Variants in INPP5A observed in about 807,000 individuals in gnomAD.
INPP5A encodes the protein 43 kDa inositol polyphosphate 5-phophatase.
A neutral mutation model predicts 65.2 loss-of-function variants in INPP5A; 14 were observed. The ratio of observed to expected loss-of-function variants is 0.21; its 90% CI spans 0.14 to 0.34. The LOEUF (loss-of-function observed/expected upper bound fraction) is 0.34, where lower values mean the gene tolerates loss of function less well. Among genes scored for constraint, INPP5A ranks in the 10% least tolerant of loss-of-function variants. The probability of loss-of-function intolerance (pLI) is 1.00; values close to 1 mark genes in which losing one functional copy is unlikely to be tolerated. For synonymous variants in INPP5A, 207 were observed against 208.3 expected (o/e 0.99, Z 0.05); for missense variants, 431 against 545.6 (o/e 0.79, Z 2.09).
chr10:132,693,889 A>C (rs1041366241), intron 5 of INPP5A, among the ~76,000 whole-genome samples: 2 of 152,188 alleles, frequency 1.3e-5, no homozygotes, highest in African/African-American at 4.8e-5. Flanking sequence ...AAGGCAAACC[A>C]AGTAGAGCTG....
chr10:132,583,409 G>C (rs954295050), intron 1 of INPP5A, among the ~76,000 whole-genome samples: 1 of 152,214 alleles, frequency 6.6e-6, no homozygotes, highest in East Asian at 1.9e-4. Context: ...TTCCTGCCTC[G>C]TTGGGCTGGT....
intron 9 of INPP5A, among the ~76,000 whole-genome samples, chr10:132,739,146 G>C (rs1846229664): frequency 1.3e-5 from 2 of 152,350 alleles, no homozygotes; most frequent in Admixed American, 1.3e-4. Context: ...ATTCCATCTG[G>C]GATGGTCATT....
At chr10:132,595,401 A>G (rs998243108) in intron 1 of INPP5A, among the ~76,000 whole-genome samples, 2 of 152,270 alleles carry the variant, frequency 1.3e-5, no homozygotes, top group African/African-American at 4.8e-5. Context: ...TACTTTGATA[A>G]CATATACCTA....
At chr10:132,773,919 C>T (rs1846999901) in intron 12 of INPP5A, among the ~76,000 whole-genome samples, 1 of 152,192 alleles carries the variant, frequency 6.6e-6, no homozygotes, top group African/African-American at 2.4e-5. Flanking sequence ...CACCACCACA[C>T]CTGGCTAACT....
chr10:132,563,696 AGAAAG>A (rs1406826112), intron 1 of INPP5A, among the ~76,000 whole-genome samples: 5 of 151,996 alleles, frequency 3.3e-5, no homozygotes, highest in East Asian at 1.9e-4. Context: ...AGGAAAGGAG[AGAAAG>A]GAAAGGAAAG....
At chr10:132,579,648 C>T (rs933456848) in intron 1 of INPP5A, among the ~76,000 whole-genome samples, 8 of 152,118 alleles carry the variant, frequency 5.3e-5, no homozygotes, top group African/African-American at 1.7e-4. Context: ...CCTGCTTCCC[C>T]GGCCATCCTG....
At chr10:132,758,778 C>T (rs61862838) in intron 11 of INPP5A, among the ~76,000 whole-genome samples, 24,734 of 152,192 alleles carry the variant, frequency 0.16, 2,431 homozygotes, top group Non-Finnish European at 0.22. Flanking sequence ...TGTCTCCTCT[C>T]ATGAGGAGCA....
At chr10:132,745,748 G>C (rs948418113) in intron 9 of INPP5A, among the ~76,000 whole-genome samples, 1 of 150,960 alleles carries the variant, frequency 6.6e-6, no homozygotes, top group Non-Finnish European at 1.5e-5. Flanking sequence ...GGCCTCAGCT[G>C]TGGTGGCCTT....
At chr10:132,711,804 A>G (rs959547075) in intron 8 of INPP5A, among the ~76,000 whole-genome samples, 1 of 152,202 alleles carries the variant, frequency 6.6e-6, no homozygotes. Context: ...GGGCAGTCAC[A>G]ACTGCCTGGG....
chr10:132,619,154 T>C (rs963010530), intron 2 of INPP5A, among the ~76,000 whole-genome samples: 2 of 152,204 alleles, frequency 1.3e-5, no homozygotes, highest in African/African-American at 2.4e-5. Context: ...TTTCCACCTA[T>C]GAACCTGCAA....
chr10:132,780,969 G>T (rs1253485938), intron 14 of INPP5A, 52 bp downstream of exon 14: 3 of 1,379,546 alleles, frequency 2.2e-6, no homozygotes, highest in Non-Finnish European at 2.1e-6. Context: ...GGGGAAGCTA[G>T]GGGGCCGGGG....
Position 132,637,765 on chromosome 10 carries a change from T to C in INPP5A, c.118-8103T>C, listed in dbSNP as rs1257099340. Among the ~76,000 whole-genome samples the C allele has an allele frequency of 6.6e-6, 1 of 152,194 alleles. No individual in the cohort carries two copies. The highest frequency in any genetic ancestry group is 1.5e-5 in the Non-Finnish European group (1 of 68,044). ...CTGTGTTTTAGTTTCGCATCTCTGA[T>C]GTGAGGTGGTTTTTCATATTCTCGA... On this transcript the variant is annotated intron_variant, in intron 2 of 15. Coordinates refer to ENST00000368594, the MANE Select transcript of INPP5A (RefSeq NM_005539.5). The surrounding 1 kb of genome is among the most constrained non-coding windows in gnomAD (Gnocchi z 4.1).
Position 132,765,855 on chromosome 10 carries a change from C to T in INPP5A, c.977+9C>T. The T allele has an allele frequency of 6.4e-7, 1 of 1,571,874 alleles. No individual in the cohort carries two copies. Among genetic ancestry groups the T allele is most frequent in the Non-Finnish European group, 8.8e-7 (1 of 1,141,470 alleles). On this transcript the variant is annotated intron_variant, in intron 12 of 15. Coordinates refer to ENST00000368594, the MANE Select transcript of INPP5A (RefSeq NM_005539.5). ...ATCTCGTTCCCTCCCAGGTATGGAA[C>T]ATGCTGTTTGCTGGATGAACCCGGC... is the stretch of plus-strand genomic sequence containing the variant.
Position 132,627,670 on chromosome 10 carries a change from G to A in INPP5A, c.118-18198G>A, listed in dbSNP as rs564847188. 7.9e-5 allele frequency among the ~76,000 whole-genome samples: 12 copies of A among 152,298 alleles called. No homozygotes were observed. The highest frequency in any genetic ancestry group is 3.4e-3 in the Middle Eastern group (1 of 294). ...GAAAGCAGCGAGCACAGTGTGGTCC[G>A]GGGCTGGGGGTGTGAGATGGCTGGG... On this transcript the variant is annotated intron_variant, in intron 2 of 15. Transcript: ENST00000368594. The surrounding 1 kb of genome is among the most constrained non-coding windows in gnomAD (Gnocchi z 6.6).
intron 12 of INPP5A, 149 bp downstream of exon 12, chr10:132,765,995 A>G: frequency 1.5e-6 from 1 of 650,080 alleles, no homozygotes. Context: ...TGTGTGTACC[A>G]TACCTGTGTG....
intron 4 of INPP5A, among the ~76,000 whole-genome samples, chr10:132,662,100 C>G (rs1311628920): frequency 6.6e-6 from 1 of 152,178 alleles, no homozygotes; most frequent in African/African-American, 2.4e-5. Flanking sequence ...AAATATGACA[C>G]CAAAAGCAGA....
intron 2 of INPP5A, among the ~76,000 whole-genome samples, chr10:132,618,657 C>T (rs112875307): frequency 2.0e-5 from 3 of 152,110 alleles, no homozygotes; most frequent in Admixed American, 6.5e-5. Flanking sequence ...AGGTTTAATT[C>T]GCTCACGGTT....
At chr10:132,746,648 C>T (rs147626759) in intron 9 of INPP5A, among the ~76,000 whole-genome samples, 163 of 152,300 alleles carry the variant, frequency 1.1e-3, no homozygotes, top group African/African-American at 3.4e-3. Flanking sequence ...ACAGCGTTCC[C>T]GTTAAATTCT....
At chr10:132,602,334 C>T (rs1397531497) in intron 1 of INPP5A, among the ~76,000 whole-genome samples, 2 of 152,206 alleles carry the variant, frequency 1.3e-5, no homozygotes, top group African/African-American at 4.8e-5. Flanking sequence ...CTCGTTCTGT[C>T]ACCTAGGCTG....
Sources: allele counts gnomAD v4.1 joint callset (sites outside exome capture counted in the v4.1 genomes callset), GRCh38; gene constraint gnomAD v4.1.1; non-coding constraint Gnocchi (gnomAD v3.1); transcripts MANE v1.5; gene names NCBI Gene and HGNC (gene_info 2026-07-23, HGNC 2026-07-21).